Variants in KCNH2 observed in about 807,000 individuals in gnomAD.
KCNH2 encodes the protein voltage-gated inwardly rectifying potassium channel KCNH2.
A neutral mutation model predicts 95.9 loss-of-function variants in KCNH2; 35 were observed. That is an observed-to-expected ratio of 0.37 (90% CI 0.28 to 0.48). KCNH2 has a LOEUF of 0.48. Among genes scored for constraint, KCNH2 ranks in the 20% least tolerant of loss-of-function variants. The probability of loss-of-function intolerance (pLI) is 0.99; values close to 1 mark genes in which losing one functional copy is unlikely to be tolerated. For missense variants in KCNH2, 1,274 were observed against 1,702.9 expected (o/e 0.75, Z 4.43); for synonymous variants, 786 against 754.7 (o/e 1.04, Z -0.68).
intron 2 of KCNH2, among the ~76,000 whole-genome samples, chr7:150,969,079 G>A (rs1367968531): frequency 6.6e-6 from 1 of 152,178 alleles, no homozygotes; most frequent in Non-Finnish European, 1.5e-5. Context: ...CTGAGGCCCT[G>A]AGCCCATCAT....
At chr7:150,960,114 G>C (rs1365472906) in intron 2 of KCNH2, among the ~76,000 whole-genome samples, 3 of 151,486 alleles carry the variant, frequency 2.0e-5, no homozygotes, top group African/African-American at 7.3e-5. Flanking sequence ...TTTCCCTCAA[G>C]CGAGGCGCTG....
chr7:150,948,596 G>T, intron 10 of KCNH2, 53 bp from the exon 11 acceptor site: 2 of 1,489,824 alleles, frequency 1.3e-6, no homozygotes, highest in Non-Finnish European at 1.9e-6. Context: ...GCCCCACCGG[G>T]GTCAGGCCCC....
chr7:150,971,758 C>T (rs1201035176), intron 2 of KCNH2, among the ~76,000 whole-genome samples: 1 of 151,640 alleles, frequency 6.6e-6, no homozygotes, highest in South Asian at 2.1e-4. Context: ...AGAGAGGAGC[C>T]GAGAAGGTGG....
chr7:150,972,991 C>T (rs1439437078), intron 2 of KCNH2, among the ~76,000 whole-genome samples: 1 of 152,182 alleles, frequency 6.6e-6, no homozygotes, highest in Non-Finnish European at 1.5e-5. Flanking sequence ...GGACTGGCAC[C>T]GTGTTTACAG....
In KCNH2 at chr7:150,950,357, G is replaced by A. The variant is rs1476814451; in HGVS notation, c.2209C>T (p.Leu737=). 1.2e-6 allele frequency: 2 copies of A among 1,612,870 alleles called. No individual in the cohort carries two copies. The highest frequency in any genetic ancestry group is 2.2e-5 in the East Asian group (1 of 44,856). ...DICLHLNRSL[L]QHCKPFRGAT... is the part of the protein sequence containing the mutation. ...CCTCGGAAGGGTTTGCAGTGCTGCA[G>A]CAGTGAGCGGTTCAGGTGCAGGCAG... The change falls in exon 9 of 15, where the codon CTG becomes TTG. Residue 737 remains leucine, a synonymous_variant. Transcript: ENST00000262186.
chr7:150,957,237 C>T, intron 5 of KCNH2, 54 bp downstream of exon 5: 1 of 1,442,714 alleles, frequency 6.9e-7, no homozygotes, highest in South Asian at 1.2e-5. Context: ...CCACTCCCAC[C>T]CCCTCTCCAA....
Position 150,957,276 on chromosome 7 carries a change from C to A in KCNH2, c.1128+15G>T. 6.4e-7 allele frequency: 1 copy of A among 1,553,036 alleles called. No homozygotes were observed. Among genetic ancestry groups the A allele is most frequent in the Non-Finnish European group, 8.7e-7 (1 of 1,146,774 alleles). On this transcript the variant is annotated intron_variant, in intron 5 of 14. Coordinates refer to ENST00000262186, the MANE Select transcript of KCNH2 (RefSeq NM_000238.4). ...CCTCCAAGGTGAGAGGAGAGCCCGG[C>A]CGCTGGGCGCCTACCTGGGTGACCT... is the stretch of plus-strand genomic sequence containing the variant.
At chr7:150,955,496 G>T in intron 5 of KCNH2, 5 of 1,547,656 alleles carry the variant, frequency 3.2e-6, no homozygotes, top group Non-Finnish European at 4.4e-6. Flanking sequence ...CCCGGCTGGG[G>T]CCGCCATGGA....
intron 1 of KCNH2, 25 bp from the exon 2 acceptor site, chr7:150,974,966 G>A: frequency 1.3e-6 from 2 of 1,554,678 alleles, no homozygotes; most frequent in Non-Finnish European, 1.7e-6. Flanking sequence ...AGGAGAGTGC[G>A]CGTGAGCGGG....
chr7:150,960,167 T>C (rs1300532017), intron 2 of KCNH2, among the ~76,000 whole-genome samples: 2 of 152,200 alleles, frequency 1.3e-5, no homozygotes, highest in African/African-American at 4.8e-5. Context: ...CTACGATCTC[T>C]GGGTTCATAG....
chr7:150,959,598 C>G lies in KCNH2; in HGVS notation c.446G>C (p.Gly149Ala), dbSNP rs199472865. ...TGGGGCCAGCCAGCTGGTGGGGGGG[C>G]CCCGGTGGTTGGTGTCATGAGCCGG... ...GSPAHDTNHR[G>A]PPTSWLAPGR... is the part of the protein sequence containing the mutation. The change falls in exon 3 of 15, where the codon GGC (glycine) becomes GCC (alanine). Residue 149 changes from glycine to alanine, a missense_variant. By Grantham distance (60) the Gly-to-Ala change is moderately conservative. Around this residue, in one of 7 missense-constraint regions of KCNH2, gnomAD observed 392 missense variants for 429.9 expected, o/e 0.91. Transcript: ENST00000262186. 1.8e-5 allele frequency: 29 copies of G among 1,613,922 alleles called. No individual in the cohort carries two copies. Among genetic ancestry groups the G allele is most frequent in the East Asian group, 6.7e-5 (3 of 44,888 alleles).
At chr7:150,947,113 G>T in intron 13 of KCNH2, 59 bp from the exon 14 acceptor site, 1 of 1,368,156 alleles carries the variant, frequency 7.3e-7, no homozygotes, top group Non-Finnish European at 1.0e-6. Flanking sequence ...AGCCTCCACC[G>T]GGAGTGGGGA....
At position 150,974,903 on chromosome 7, in the gene KCNH2, A is replaced by G. The variant is rs757491162; in HGVS notation, c.115T>C (p.Cys39Arg). The G allele has an allele frequency of 1.7e-5, 27 of 1,611,024 alleles. No homozygotes were observed. Among genetic ancestry groups the G allele is most frequent in the Non-Finnish European group, 2.3e-5 (27 of 1,179,232 alleles). ...CCGTCGTTGCAGTAGATGACGGCGC[A>G]GTTCTCCACCCGAGCGTTGGCGATG... ...FIIANARVEN[C>R]AVIYCNDGFC... is the part of the protein sequence containing the mutation. Residue 39 changes from cysteine to arginine, a missense_variant, in exon 2 of 15, where the codon TGC (cysteine) becomes CGC (arginine). Cys to Arg is a radical substitution (Grantham distance 180). Transcript: ENST00000262186.
rs1801598525 is a variant in KCNH2, at chr7:150,962,632, A to AGAGAGAGAGAGATT, written c.308-2897_308-2896insAATCTCTCTCTCTC. 6.6e-6 allele frequency among the ~76,000 whole-genome samples: 1 copy of AGAGAGAGAGAGATT among 150,778 alleles called. No individual in the cohort carries two copies. Among genetic ancestry groups the AGAGAGAGAGAGATT allele is most frequent in the South Asian group, 2.1e-4 (1 of 4,782 alleles). ...TTACACACACACACGAGAGACAGAG[A>AGAGAGAGAGAGATT]GAGAGAGAGAGAGAGAGAGAGGAGT... On this transcript the variant is annotated intron_variant, in intron 2 of 14. Coordinates refer to ENST00000262186, the MANE Select transcript of KCNH2 (RefSeq NM_000238.4). The surrounding 1 kb of genome is among the most constrained non-coding windows in gnomAD (Gnocchi z 5.7).
intron 9 of KCNH2, chr7:150,949,884 G>A: frequency 1.4e-6 from 2 of 1,404,852 alleles, no homozygotes; most frequent in Non-Finnish European, 1.9e-6. Flanking sequence ...CAGGCTAGAG[G>A]ATCTAGATTT....
intron 3 of KCNH2, among the ~76,000 whole-genome samples, chr7:150,958,901 A>T (rs1463757654): frequency 6.6e-6 from 1 of 152,238 alleles, no homozygotes; most frequent in African/African-American, 2.4e-5. Context: ...CAGGGGTGGC[A>T]TCCGATGAGC....
At chr7:150,960,315 T>C (rs73167623) in intron 2 of KCNH2, among the ~76,000 whole-genome samples, 8,914 of 152,320 alleles carry the variant, frequency 0.059, 391 homozygotes, top group African/African-American at 0.12. Flanking sequence ...ATTGACACAA[T>C]AATTGTACAT....
chr7:150,960,235 G>C (rs1310027673), intron 2 of KCNH2, among the ~76,000 whole-genome samples: 1 of 152,030 alleles, frequency 6.6e-6, no homozygotes, highest in Non-Finnish European at 1.5e-5. Flanking sequence ...ACATCCTTGT[G>C]CCTCATTTTT....
rs1451056969 is a variant in KCNH2, at chr7:150,947,317, C to G, written c.3152+11G>C. On this transcript the variant is annotated intron_variant, in intron 13 of 14. Coordinates refer to ENST00000262186, the MANE Select transcript of KCNH2 (RefSeq NM_000238.4). ...AGGGCGTGCCCCCCCACCCCACCTG[C>G]ACTCCCTCACCTGTTGAGCTGGCGC... 1 of 1,538,242 alleles carries G rather than the reference C, an allele frequency of 6.5e-7. No homozygotes were observed. The highest frequency in any genetic ancestry group is 2.0e-5 in the Admixed American group (1 of 50,910).
Sources: gnomAD v4.1 joint callset for allele counts (sites outside exome capture counted in the v4.1 genomes callset) on GRCh38, gnomAD v4.1.1 for gene constraint, gnomAD v4.1.1 regional missense constraint, Gnocchi (gnomAD v3.1) non-coding constraint, MANE v1.5 for transcripts, NCBI Gene and HGNC (gene_info 2026-07-23, HGNC 2026-07-21) for gene names.